TMTC4: variants seen among roughly 807,000 people sequenced by gnomAD.
The protein encoded by TMTC4 is transmembrane O-mannosyltransferase targeting cadherins 4, also known as protein O-mannosyl-transferase TMTC4.
A neutral mutation model predicts 86.0 loss-of-function variants in TMTC4; 65 were observed. The ratio of observed to expected loss-of-function variants is 0.76; its 90% confidence interval spans 0.62 to 0.93. TMTC4 has a LOEUF of 0.93. Among genes scored for constraint, TMTC4 ranks in the 40% least tolerant of loss-of-function variants. The pLI is 0.00. For missense variants in TMTC4, 866 were observed against 948.1 expected (o/e 0.91, Z 1.14); for synonymous variants, 379 against 382.5 (o/e 0.99, Z 0.11).
At chr13:100,625,146 G>A (rs1321473173) in intron 15 of TMTC4, 1 of 217,910 alleles carries the variant, frequency 4.6e-6, no homozygotes, top group Non-Finnish European at 9.3e-6. Flanking sequence ...AGGGAGCTCA[G>A]AAATCATACT....
chr13:100,664,514 C>T (rs1474154703), intron 3 of TMTC4, among the ~76,000 whole-genome samples, 178 bp from the exon 4 acceptor site: 3 of 152,130 alleles, frequency 2.0e-5, no homozygotes, highest in Non-Finnish European at 4.4e-5. Context: ...CTTCAAACAC[C>T]GATCAGCTTT....
chr13:100,619,469 A>T (rs1357098377), intron 15 of TMTC4, among the ~76,000 whole-genome samples: 1 of 152,182 alleles, frequency 6.6e-6, no homozygotes, highest in African/African-American at 2.4e-5. Flanking sequence ...TAACTCTGCA[A>T]AAAGTACAAA....
chr13:100,642,671 G>A (rs1204847113), intron 6 of TMTC4, among the ~76,000 whole-genome samples: 1 of 152,122 alleles, frequency 6.6e-6, no homozygotes, highest in Non-Finnish European at 1.5e-5. Context: ...CTCTCACTGA[G>A]ACTGCAAACA....
intron 7 of TMTC4, among the ~76,000 whole-genome samples, chr13:100,639,406 A>G (rs1882724238): frequency 6.6e-6 from 1 of 152,258 alleles, no homozygotes; most frequent in Admixed American, 6.5e-5. Flanking sequence ...TCTAGAAGGC[A>G]GATGCTCCCT....
intron 1 of TMTC4, among the ~76,000 whole-genome samples, chr13:100,671,859 C>T (rs1183644314): frequency 6.7e-6 from 1 of 148,710 alleles, no homozygotes; most frequent in African/African-American, 2.5e-5. Flanking sequence ...TTGGAAAATG[C>T]CTTTCACTAG....
intron 12 of TMTC4, among the ~76,000 whole-genome samples, chr13:100,630,153 A>G (rs1207471139): frequency 6.6e-6 from 1 of 152,110 alleles, no homozygotes; most frequent in Non-Finnish European, 1.5e-5. Flanking sequence ...AAATAACATT[A>G]TGTCTGAACA....
intron 3 of TMTC4, among the ~76,000 whole-genome samples, chr13:100,667,316 C>T (rs988058097): frequency 6.6e-6 from 1 of 152,092 alleles, no homozygotes; most frequent in Non-Finnish European, 1.5e-5. Flanking sequence ...GTAGTCCCAG[C>T]TACTTGGGAG....
At chr13:100,618,610 G>A (rs1369429070) in intron 15 of TMTC4, among the ~76,000 whole-genome samples, 2 of 151,884 alleles carry the variant, frequency 1.3e-5, no homozygotes, top group South Asian at 2.1e-4. Context: ...AAAGGTCTCT[G>A]GTTTTCCTAG....
chr13:100,651,754 T>G (rs1330053187), intron 6 of TMTC4, among the ~76,000 whole-genome samples: 1 of 152,208 alleles, frequency 6.6e-6, no homozygotes, highest in East Asian at 1.9e-4. Context: ...TGTTCCCTTA[T>G]AATATTAAAC....
intron 6 of TMTC4, among the ~76,000 whole-genome samples, chr13:100,646,194 T>C (rs9554714): frequency 0.72 from 109,112 of 151,960 alleles, 40,123 homozygotes; most frequent in East Asian, 0.99. Context: ...GGGTGCACCC[T>C]CTTGAGAGTA....
intron 5 of TMTC4, among the ~76,000 whole-genome samples, chr13:100,658,698 T>G (rs552651390): frequency 6.6e-6 from 1 of 152,034 alleles, no homozygotes; most frequent in East Asian, 1.9e-4. Context: ...AAAATGAAAT[T>G]TAAACATCAA....
At chr13:100,650,147 G>C (rs1416527845) in intron 6 of TMTC4, among the ~76,000 whole-genome samples, 1 of 151,950 alleles carries the variant, frequency 6.6e-6, no homozygotes, top group African/African-American at 2.4e-5. Context: ...AAGACAACTT[G>C]CTCTAGGATA....
intron 9 of TMTC4, 82 bp from the exon 10 acceptor site, chr13:100,636,816 G>A: frequency 7.2e-7 from 1 of 1,387,932 alleles, no homozygotes; most frequent in Non-Finnish European, 1.0e-6. Context: ...CACTTTGGAG[G>A]CACTCATATG....
intron 12 of TMTC4, among the ~76,000 whole-genome samples, chr13:100,630,722 T>C (rs1415489395): frequency 1.3e-5 from 2 of 152,220 alleles, no homozygotes; most frequent in African/African-American, 4.8e-5. Flanking sequence ...CCTGCTGTTT[T>C]CCTTTGTTCC....
At chr13:100,663,281 A>T in intron 4 of TMTC4, 101 bp from the exon 5 acceptor site, 1 of 1,005,128 alleles carries the variant, frequency 9.9e-7, no homozygotes, top group Non-Finnish European at 1.5e-6. Context: ...TATTAAAAGG[A>T]GAAGCGGAAG....
chr13:100,651,871 A>G (rs908935462), intron 6 of TMTC4, among the ~76,000 whole-genome samples: 3 of 152,208 alleles, frequency 2.0e-5, no homozygotes, highest in Non-Finnish European at 2.9e-5. Flanking sequence ...TAGCATTACT[A>G]TTTGTATCTC....
Position 100,642,321 on chromosome 13 carries a change from A to G in TMTC4, c.641-10T>C. Reference sequence around the variant, plus strand: ...GCTCCCTCCTTGTTACCTGCCAATTAAGAGAAATGATCAGTGCAAAAGTCA... The same window carrying G: ...GCTCCCTCCTTGTTACCTGCCAATTGAGAGAAATGATCAGTGCAAAAGTCA... On this transcript the variant is annotated splice_polypyrimidine_tract_variant and intron_variant, in intron 6 of 18. Coordinates refer to ENST00000342624, the MANE Select transcript of TMTC4 (RefSeq NM_032813.5). 4 of 1,614,156 alleles carry G rather than the reference A, an allele frequency of 2.5e-6. No individual in the cohort carries two copies. The highest frequency in any genetic ancestry group is 1.1e-5 in the South Asian group (1 of 91,074).
rs1270721178 is a variant in TMTC4, at chr13:100,674,562, G to A, written c.-208+182C>T. 2.1e-5 allele frequency: 21 copies of A among 982,192 alleles called. No individual in the cohort carries two copies. In the South Asian group the frequency reaches 3.3e-4, roughly 15 times the overall value. The allele number at this position is 982,192 out of a possible 1,614,324, so 60.8% of individuals were successfully genotyped here. A position where few individuals can be genotyped will look rare whatever the true frequency, so the allele number is the denominator to read the frequency against. On this transcript the variant is annotated intron_variant, in intron 1 of 18. Coordinates refer to ENST00000342624, the MANE Select transcript of TMTC4 (RefSeq NM_032813.5). ...GCTCACACAGGGGCCCGCGTCCCCC[G>A]TGACCCCGGCCCGGGCCGCAGCTCA...
intron 3 of TMTC4, among the ~76,000 whole-genome samples, chr13:100,666,502 G>T (rs1276228810): frequency 6.6e-6 from 1 of 152,156 alleles, no homozygotes; most frequent in South Asian, 2.1e-4. Flanking sequence ...AGACACCGGG[G>T]CCTCCACATA....
Sources: gnomAD v4.1 joint callset for allele counts (sites outside exome capture counted in the v4.1 genomes callset) on GRCh38, gnomAD v4.1.1 for gene constraint, MANE v1.5 for transcripts, NCBI Gene and HGNC (gene_info 2026-07-23, HGNC 2026-07-21) for gene names.